The following AOAH variants were observed in gnomAD, a reference collection of about 807,000 sequenced individuals.
AOAH encodes the protein acyloxyacyl hydrolase (neutrophil).
Under a neutral mutation model 92.2 loss-of-function variants are expected in AOAH, and 64 were observed. The ratio of observed to expected loss-of-function variants is 0.69; its 90% CI spans 0.57 to 0.86. The LOEUF (loss-of-function observed/expected upper bound fraction) is 0.86. AOAH is among the 40% of genes least tolerant of loss of function. The pLI, the probability that AOAH is intolerant of heterozygous loss-of-function variation, is 0.00. For missense variants in AOAH, 656 were observed against 694.6 expected (o/e 0.94, Z 0.62); for synonymous variants, 263 against 254.5 (o/e 1.03, Z -0.32).
At chr7:36,539,741 A>G (rs1429842757) in intron 16 of AOAH, among the ~76,000 whole-genome samples, 1 of 152,210 alleles carries the variant, frequency 6.6e-6, no homozygotes, top group Non-Finnish European at 1.5e-5. Context: ...AAAAACATCT[A>G]TCTCACAGGG....
chr7:36,631,920 T>C, intron 6 of AOAH, 116 bp downstream of exon 6: 1 of 748,748 alleles, frequency 1.3e-6, no homozygotes, highest in Non-Finnish European at 2.2e-6. Context: ...AAAGAAACAC[T>C]CTCACCTTCA....
intron 5 of AOAH, among the ~76,000 whole-genome samples, chr7:36,632,382 T>A (rs1322693683): frequency 1.3e-5 from 2 of 152,170 alleles, no homozygotes; most frequent in African/African-American, 4.8e-5. Flanking sequence ...ACTCTCCACC[T>A]TGTTCCAGGA....
chr7:36,621,835 G>A (rs372956051), intron 7 of AOAH, 55 bp from the exon 8 acceptor site: 24 of 1,513,882 alleles, frequency 1.6e-5, no homozygotes, highest in Middle Eastern at 1.7e-4. Context: ...TGTTATCCAC[G>A]AGGAAGGCTA....
chr7:36,605,872 C>T (rs1044429256), intron 11 of AOAH, among the ~76,000 whole-genome samples: 1 of 152,226 alleles, frequency 6.6e-6, no homozygotes, highest in African/African-American at 2.4e-5. Flanking sequence ...CTCACTGCTG[C>T]TGGAGAGCAG....
chr7:36,522,068 C>T lies in AOAH; in HGVS notation c.1570G>A (p.Glu524Lys), dbSNP rs776031901. Residue 524 changes from glutamate (E) to lysine (K), a missense_variant, in exon 20 of 21, where the codon GAG becomes AAG. Physicochemically the swap from Glu to Lys is moderately conservative, Grantham distance 56. Coordinates refer to ENST00000617537, the MANE Select transcript of AOAH (RefSeq NM_001637.4). ...TTGGGGTGGAATCCATCCACGGGCTCGATGAGCTGCCAGGGCTGTCCGCCT... is the reference window on the plus strand; with the variant it reads ...TTGGGGTGGAATCCATCCACGGGCTTGATGAGCTGCCAGGGCTGTCCGCCT... ...KRGGQPWQLI[E>K]PVDGFHPNEV... 5 of 1,614,222 alleles carry T rather than the reference C, an allele frequency of 3.1e-6. No homozygotes were observed. Among genetic ancestry groups the T allele is most frequent in the East Asian group, 2.2e-5 (1 of 44,890 alleles).
chr7:36,581,827 T>C lies in AOAH; in HGVS notation c.939-5171A>G, dbSNP rs189625690. On this transcript the variant is annotated intron_variant, in intron 12 of 20. Coordinates refer to ENST00000617537, the MANE Select transcript of AOAH (RefSeq NM_001637.4). ...AGAAATAGCATCTAGAATTTTGGGA[T>C]GAAAGCCTTGTACCAAGCACTAGAA... Among the ~76,000 whole-genome samples the C allele has an allele frequency of 1.3e-3, 200 of 152,318 alleles. 1 individual carries two copies. The highest frequency in any genetic ancestry group is 5.0e-3 in the East Asian group (26 of 5,184).
intron 13 of AOAH, among the ~76,000 whole-genome samples, chr7:36,561,379 G>T (rs541499374): frequency 2.0e-5 from 3 of 152,112 alleles, no homozygotes; most frequent in Non-Finnish European, 4.4e-5. Flanking sequence ...CAACCCCAAT[G>T]CTCGAAAACA....
In AOAH at chr7:36,549,495, A is replaced by G. The variant is rs1199463761; in HGVS notation, c.1022-20T>C. 6.5e-7 allele frequency: 1 copy of G among 1,539,546 alleles called. No homozygotes were observed. Among genetic ancestry groups the G allele is most frequent in the South Asian group, 1.1e-5 (1 of 88,078 alleles). On this transcript the variant is annotated intron_variant, in intron 13 of 20. Coordinates refer to ENST00000617537, the MANE Select transcript of AOAH (RefSeq NM_001637.4). Reference sequence around the variant, plus strand: ...ATGCACCTGAATAATTAAAATTAAGAAAACAATTAAAGTTAGTGAGTTCAA... The same window carrying G: ...ATGCACCTGAATAATTAAAATTAAGGAAACAATTAAAGTTAGTGAGTTCAA...
chr7:36,600,744 ATGGGCCAAGCTGGGCT>A lies in AOAH; in HGVS notation c.847-6330_847-6315del, dbSNP rs1583912536. On this transcript the variant is annotated intron_variant, in intron 11 of 20. Transcript: ENST00000617537. ...CTGCCAAATCCCATAAAATCACAAA[ATGGGCCAAGCTGGGCT>A]AGATAGTCCTTGAACGTGAGGCTTC... is the stretch of plus-strand genomic sequence containing the variant. Among the ~76,000 whole-genome samples the A allele has an allele frequency of 2.0e-5, 3 of 152,096 alleles. No homozygotes were observed. The East Asian group carries it at 5.8e-4, about 29-fold the overall frequency.
rs1554360832 is a variant in AOAH, at chr7:36,517,156, G to GTCTTTCTTTCTTTCTTTCTT, written c.1600-3796_1600-3777dup. On this transcript the variant is annotated intron_variant, in intron 20 of 20. Coordinates refer to ENST00000617537, the MANE Select transcript of AOAH (RefSeq NM_001637.4). ...CCCTTTCCTCTCTTTATCCATGTTA[G>GTCTTTCTTTCTTTCTTTCTT]TCTTTCTTTCTTTCTTTCTTTCTTT... Among the ~76,000 whole-genome samples the GTCTTTCTTTCTTTCTTTCTT allele has an allele frequency of 3.1e-3, 299 of 95,468 alleles. 9 individuals carry two copies. The highest frequency in any genetic ancestry group is 0.011 in the African/African-American group (255 of 24,284). The allele number at this position is 95,468 out of a possible 152,430, so 62.6% of individuals were successfully genotyped here.
chr7:36,664,499 G>C (rs189102651), intron 3 of AOAH, among the ~76,000 whole-genome samples: 16 of 152,178 alleles, frequency 1.1e-4, no homozygotes, highest in Non-Finnish European at 1.8e-4. Context: ...CCAATACCCT[G>C]CTGTCTTGAT....
chr7:36,591,351 C>T (rs1789729409), intron 12 of AOAH, among the ~76,000 whole-genome samples: 1 of 152,146 alleles, frequency 6.6e-6, no homozygotes, highest in South Asian at 2.1e-4. Context: ...GTTGCTTAAG[C>T]AGACTATGCG....
chr7:36,714,075 G>T (rs549115893), intron 1 of AOAH, among the ~76,000 whole-genome samples: 1 of 151,972 alleles, frequency 6.6e-6, no homozygotes, highest in Non-Finnish European at 1.5e-5. Context: ...TTGATAGACC[G>T]CTAGCAAGAC....
At chr7:36,696,587 C>T (rs1402980382) in intron 1 of AOAH, among the ~76,000 whole-genome samples, 1 of 152,242 alleles carries the variant, frequency 6.6e-6, no homozygotes, top group African/African-American at 2.4e-5. Context: ...TCAAGCCAGG[C>T]GCATTGGCTC....
At chr7:36,515,563 TCA>T (rs1783603060) in intron 20 of AOAH, among the ~76,000 whole-genome samples, 1 of 30,104 alleles carries the variant, frequency 3.3e-5, no homozygotes, top group African/African-American at 1.5e-4. Context: ...ACACACATAA[TCA>T]CACCCCCCCC....
At chr7:36,583,619 T>G (rs1789097327) in intron 12 of AOAH, among the ~76,000 whole-genome samples, 1 of 151,836 alleles carries the variant, frequency 6.6e-6, no homozygotes, top group Admixed American at 6.6e-5. Context: ...GTCCTAGGAG[T>G]TCACATACAA....
intron 2 of AOAH, among the ~76,000 whole-genome samples, chr7:36,675,028 G>A (rs1796157115): frequency 6.6e-6 from 1 of 152,248 alleles, no homozygotes; most frequent in South Asian, 2.1e-4. Flanking sequence ...GGCAAGGCGG[G>A]TAGATCGCCT....
intron 1 of AOAH, among the ~76,000 whole-genome samples, chr7:36,719,358 C>T (rs1222394783): frequency 6.6e-6 from 1 of 152,104 alleles, no homozygotes; most frequent in African/African-American, 2.4e-5. Flanking sequence ...AGGTACAACC[C>T]CCACGGAGAA....
intron 20 of AOAH, among the ~76,000 whole-genome samples, chr7:36,515,366 AC>A (rs1783570920): frequency 1.7e-5 from 1 of 57,726 alleles, no homozygotes; most frequent in Non-Finnish European, 3.2e-5. Flanking sequence ...CCACACACAC[AC>A]CACACACACC....
Sources: gnomAD v4.1 joint callset for allele counts (sites outside exome capture counted in the v4.1 genomes callset) on GRCh38, gnomAD v4.1.1 for gene constraint, MANE v1.5 for transcripts, NCBI Gene and HGNC (gene_info 2026-07-23, HGNC 2026-07-21) for gene names.